SPTY2D1: variants seen among roughly 807,000 people sequenced by gnomAD.
SPTY2D1 encodes SPT2 chromatin protein domain containing 1.
Under a neutral mutation model 64.0 loss-of-function variants are expected in SPTY2D1, and 21 were observed. The ratio of observed to expected loss-of-function variants is 0.33; its 90% confidence interval spans 0.23 to 0.47. The LOEUF (loss-of-function observed/expected upper bound fraction) is 0.47, where lower values mean the gene tolerates loss of function less well. Among genes scored for constraint, SPTY2D1 ranks in the 20% least tolerant of loss-of-function variants. The pLI is 1.00. For synonymous variants in SPTY2D1, 287 were observed against 286.8 expected (o/e 1.00, Z -0.01); for missense variants, 724 against 837.2 (o/e 0.86, Z 1.67).
chr11:18,617,306 T>C (rs10500833), intron 1 of SPTY2D1, among the ~76,000 whole-genome samples: 13,393 of 152,164 alleles, frequency 0.088, 694 homozygotes, highest in South Asian at 0.18. Context: ...AATCACCACT[T>C]AGAAGAATCG....
chr11:18,614,741 T>G lies in SPTY2D1; in HGVS notation c.1533A>C (p.Pro511=), dbSNP rs142863572. ...PAGRTVSNSV[P]GRPVSSLGPG... is the part of the protein sequence containing the mutation. ...GTCCCAAGCTGCTCACTGGTCTTCC[T>G]GGGACTGAATTACTGACAGTCCGTC... The change falls in exon 3 of 6, where the codon CCA becomes CCC. Residue 511 remains proline, a synonymous_variant. Coordinates refer to ENST00000336349, the MANE Select transcript of SPTY2D1 (RefSeq NM_194285.3). 6.2e-7 allele frequency: 1 copy of G among 1,613,838 alleles called. No individual in the cohort carries two copies. The highest frequency in any genetic ancestry group is 8.5e-7 in the Non-Finnish European group (1 of 1,179,814).
At chr11:18,631,616 A>C (rs1216390012) in intron 1 of SPTY2D1, among the ~76,000 whole-genome samples, 1 of 151,414 alleles carries the variant, frequency 6.6e-6, no homozygotes, top group Non-Finnish European at 1.5e-5. Flanking sequence ...AAAAAAAAAA[A>C]AACCACCAAA....
chr11:18,616,758 CACA>C, intron 2 of SPTY2D1, 114 bp downstream of exon 2: 17 of 857,578 alleles, frequency 2.0e-5, no homozygotes, highest in East Asian at 1.0e-4. Context: ...CACACACACA[CACA>C]CCCTCCCAAA....
chr11:18,630,989 C>T (rs1281292473), intron 1 of SPTY2D1, among the ~76,000 whole-genome samples: 6 of 152,012 alleles, frequency 3.9e-5, no homozygotes, highest in Non-Finnish European at 8.8e-5. Context: ...CAGGTGTGCC[C>T]CACCATGCCT....
At chr11:18,633,754 T>C (rs998736547) in intron 1 of SPTY2D1, among the ~76,000 whole-genome samples, 2 of 152,104 alleles carry the variant, frequency 1.3e-5, no homozygotes, top group African/African-American at 4.8e-5. Flanking sequence ...ACGTTTGACT[T>C]GAAGATCGAT....
In SPTY2D1 at chr11:18,615,845, A is replaced by G; in HGVS notation, c.429T>C (p.Tyr143=). ...EYNHAESEQE[Y]EEEQEPPKVE... ...CTTTGGGAGGTTCTTGCTCTTCCTC[A>G]TACTCCTGCTCTGACTCTGCGTGAT... is the stretch of plus-strand genomic sequence containing the variant. The change falls in exon 3 of 6, where the codon TAT becomes TAC. Residue 143 remains tyrosine, a synonymous_variant. Coordinates refer to ENST00000336349, the MANE Select transcript of SPTY2D1 (RefSeq NM_194285.3). The G allele has an allele frequency of 6.2e-7, 1 of 1,613,776 alleles. No individual in the cohort carries two copies. The highest frequency in any genetic ancestry group is 8.5e-7 in the Non-Finnish European group (1 of 1,179,950).
intron 4 of SPTY2D1, among the ~76,000 whole-genome samples, chr11:18,611,874 GTA>G (rs1439613187): frequency 6.6e-6 from 1 of 152,108 alleles, no homozygotes; most frequent in Non-Finnish European, 1.5e-5. Context: ...TGAAAGCACA[GTA>G]TATATGAAAA....
chr11:18,622,196 A>G (rs1287790817), intron 1 of SPTY2D1, among the ~76,000 whole-genome samples: 1 of 152,064 alleles, frequency 6.6e-6, no homozygotes, highest in East Asian at 1.9e-4. Flanking sequence ...AACCTAAAAA[A>G]AAGACTGGGT....
chr11:18,630,929 C>G (rs1854577166), intron 1 of SPTY2D1, among the ~76,000 whole-genome samples: 1 of 152,186 alleles, frequency 6.6e-6, no homozygotes, highest in Admixed American at 6.5e-5. Context: ...ACCTCCGCCT[C>G]TCAAGTTCAA....
rs757204984 is a variant in SPTY2D1 at position 18,615,399 on chromosome 11, G to A, written c.875C>T (p.Ser292Phe). The change falls in exon 3 of 6, where the codon TCT (serine) becomes TTT (phenylalanine). Residue 292 changes from serine to phenylalanine, a missense_variant. Physicochemically the swap from Ser to Phe is radical, Grantham distance 155 (BLOSUM62 -2). Coordinates refer to ENST00000336349, the MANE Select transcript of SPTY2D1 (RefSeq NM_194285.3). ...AAGTGAGGGTTGGGAGCTATTGCCA[G>A]ATCCTGCCTTGATCCTCTCTCCTGG... ...SMPGERIKAG[S>F]GNSSQPSLRE... 1 of 1,614,232 alleles carries A rather than the reference G, an allele frequency of 6.2e-7. No individual in the cohort carries two copies. Among genetic ancestry groups the A allele is most frequent in the Non-Finnish European group, 8.5e-7 (1 of 1,180,046 alleles).
At chr11:18,617,787 C>T (rs1029525548) in intron 1 of SPTY2D1, among the ~76,000 whole-genome samples, 1 of 150,918 alleles carries the variant, frequency 6.6e-6, no homozygotes, top group African/African-American at 2.4e-5. Flanking sequence ...ACTAAAAATA[C>T]AAAAATTAGC....
intron 1 of SPTY2D1, among the ~76,000 whole-genome samples, chr11:18,630,249 G>A (rs1854566118): frequency 6.6e-6 from 1 of 151,936 alleles, no homozygotes; most frequent in South Asian, 2.1e-4. Flanking sequence ...GGCCGAGGCA[G>A]GTGGATCACG....
At chr11:18,623,563 T>C (rs778141492) in intron 1 of SPTY2D1, among the ~76,000 whole-genome samples, 1 of 152,238 alleles carries the variant, frequency 6.6e-6, no homozygotes, top group Non-Finnish European at 1.5e-5. Flanking sequence ...TACAATCAGT[T>C]GACTTTAGGT....
Position 18,612,534 on chromosome 11 carries a change from C to A in SPTY2D1, c.1712-46G>T. Reference sequence around the variant, plus strand: ...AGAATATTACAATTTAAAATAGTTCCAATGCAGTTCTATGTAAACTGAAAT... The same window carrying A: ...AGAATATTACAATTTAAAATAGTTCAAATGCAGTTCTATGTAAACTGAAAT... On this transcript the variant is annotated intron_variant, in intron 3 of 5. Coordinates refer to ENST00000336349, the MANE Select transcript of SPTY2D1 (RefSeq NM_194285.3). The surrounding 1 kb of genome is among the most constrained non-coding windows in gnomAD (Gnocchi z 4.6). 1 of 1,479,790 alleles carries A rather than the reference C, an allele frequency of 6.8e-7. No individual in the cohort carries two copies. The highest frequency in any genetic ancestry group is 9.0e-7 in the Non-Finnish European group (1 of 1,106,160). The allele number at this position is 1,479,790 out of a possible 1,614,324, so 91.7% of individuals were successfully genotyped here. A position where few individuals can be genotyped will look rare whatever the true frequency, so the allele number is the denominator to read the frequency against.
chr11:18,619,456 TAA>T (rs562811444), intron 1 of SPTY2D1, among the ~76,000 whole-genome samples: 38 of 114,556 alleles, frequency 3.3e-4, no homozygotes, highest in Admixed American at 4.7e-4. Flanking sequence ...CTCATCTCTT[TAA>T]AAAAAAAAAA....
intron 1 of SPTY2D1, among the ~76,000 whole-genome samples, chr11:18,620,382 A>G (rs981114021): frequency 6.6e-6 from 1 of 151,952 alleles, no homozygotes; most frequent in Non-Finnish European, 1.5e-5. Flanking sequence ...GGGAGGCTGA[A>G]GCACGAGAAT....
In SPTY2D1 at chr11:18,614,116, C is replaced by T. The variant is rs529738530; in HGVS notation, c.1711+447G>A. On this transcript the variant is annotated intron_variant, in intron 3 of 5. Transcript: ENST00000336349. ...CCTAGACAAGTCTCTTTCTAAAGAC[C>T]TTTCCAAGCCATTAAAGGAACTCTC... 4.6e-5 allele frequency among the ~76,000 whole-genome samples: 7 copies of T among 152,224 alleles called. No individual in the cohort carries two copies. In the South Asian group the frequency reaches 6.2e-4, roughly 14 times the overall value.
At chr11:18,611,186 T>A (rs962588833) in intron 5 of SPTY2D1, among the ~76,000 whole-genome samples, 5 of 152,152 alleles carry the variant, frequency 3.3e-5, no homozygotes, top group African/African-American at 4.8e-5. Flanking sequence ...CTCATGCCTG[T>A]AATCCCAGCA....
rs76645627 is a variant in SPTY2D1 at position 18,631,608 on chromosome 11, A to C, written c.60+2590T>G. On this transcript the variant is annotated intron_variant, in intron 1 of 5. Transcript: ENST00000336349. ...TTTCTTTTAAAATAGATAACAAAAA[A>C]AAAAAAAAAACCACCAAACACTTTA... Among the ~76,000 whole-genome samples, 85 of 151,162 alleles carry C rather than the reference A, an allele frequency of 5.6e-4. 2 individuals are homozygous for C. Among genetic ancestry groups the C allele is most frequent in the East Asian group, 5.0e-3 (26 of 5,176 alleles).
Sources: gnomAD v4.1 joint callset for allele counts (sites outside exome capture counted in the v4.1 genomes callset) on GRCh38, gnomAD v4.1.1 for gene constraint, Gnocchi (gnomAD v3.1) non-coding constraint, MANE v1.5 for transcripts, NCBI Gene and HGNC (gene_info 2026-07-23, HGNC 2026-07-21) for gene names.